The following COL25A1 variants were observed in gnomAD, a reference collection of about 807,000 sequenced individuals.
COL25A1 encodes collagen type XXV alpha 1 chain.
In COL25A1, 103 loss-of-function variants were observed where a neutral mutation model predicts 128.4. The observed-to-expected ratio is 0.80, with a 90% confidence interval of 0.68 to 0.94. The LOEUF (loss-of-function observed/expected upper bound fraction) is 0.94, where lower values mean the gene tolerates loss of function less well. COL25A1 is among the 40% of genes least tolerant of loss of function. COL25A1 has a pLI of 0.00. For missense variants in COL25A1, 745 were observed against 840.0 expected (o/e 0.89, Z 1.40); for synonymous variants, 279 against 277.2 (o/e 1.01, Z -0.06).
intron 3 of COL25A1, among the ~76,000 whole-genome samples, chr4:109,239,418 A>T (rs985526575): frequency 7.5e-6 from 1 of 132,742 alleles, no homozygotes; most frequent in African/African-American, 2.8e-5. Context: ...ATATATATAT[A>T]TATATTTATT....
At chr4:108,918,065 G>A in intron 13 of COL25A1, 107 bp downstream of exon 13, 1 of 533,464 alleles carries the variant, frequency 1.9e-6, no homozygotes, top group Non-Finnish European at 3.1e-6. Context: ...AAAACATAGT[G>A]TTTTTATAAG....
chr4:108,909,703 G>A (rs552837659), intron 13 of COL25A1, among the ~76,000 whole-genome samples: 2 of 152,270 alleles, frequency 1.3e-5, no homozygotes, highest in South Asian at 2.1e-4. Flanking sequence ...CTTTATTCGG[G>A]TGAAATTTAC....
chr4:109,280,204 T>C (rs1185157694), intron 3 of COL25A1, among the ~76,000 whole-genome samples: 1 of 152,220 alleles, frequency 6.6e-6, no homozygotes, highest in Non-Finnish European at 1.5e-5. Flanking sequence ...TGCATTACTA[T>C]ATGTTCAGAA....
intron 11 of COL25A1, among the ~76,000 whole-genome samples, chr4:108,923,386 C>T (rs1469878156): frequency 1.3e-5 from 2 of 152,106 alleles, no homozygotes; most frequent in African/African-American, 4.8e-5. Flanking sequence ...CACTCTGTTG[C>T]CCAGGCTGGA....
At chr4:109,206,810 G>A (rs1425814238) in intron 3 of COL25A1, among the ~76,000 whole-genome samples, 1 of 152,142 alleles carries the variant, frequency 6.6e-6, no homozygotes, top group Non-Finnish European at 1.5e-5. Context: ...GGGATGAGTG[G>A]GAAAAACAAA....
At chr4:109,091,121 G>A (rs1210443184) in intron 3 of COL25A1, among the ~76,000 whole-genome samples, 1 of 152,150 alleles carries the variant, frequency 6.6e-6, no homozygotes, top group East Asian at 1.9e-4. Context: ...AAATGCTTCA[G>A]AATAAAGTCT....
chr4:108,826,344 C>T (rs1732375668), intron 33 of COL25A1, among the ~76,000 whole-genome samples: 4 of 152,060 alleles, frequency 2.6e-5, no homozygotes, highest in Non-Finnish European at 2.9e-5. Context: ...TTGAGACCAG[C>T]GTGGCCAACA....
chr4:109,136,993 C>T (rs1769841252), intron 3 of COL25A1, among the ~76,000 whole-genome samples: 1 of 152,188 alleles, frequency 6.6e-6, no homozygotes, highest in Non-Finnish European at 1.5e-5. Flanking sequence ...ATGACTGCAG[C>T]CCTGGTTGAC....
At chr4:109,043,111 G>A (rs1760077947) in intron 5 of COL25A1, among the ~76,000 whole-genome samples, 1 of 107,912 alleles carries the variant, frequency 9.3e-6, no homozygotes, top group Admixed American at 1.0e-4. Context: ...CTGGTCCAAT[G>A]CTCACCCTTC....
At chr4:108,996,566 G>A (rs1206078149) in intron 6 of COL25A1, among the ~76,000 whole-genome samples, 1 of 152,078 alleles carries the variant, frequency 6.6e-6, no homozygotes, top group East Asian at 1.9e-4. Flanking sequence ...AGATCAACAA[G>A]ACAGAAGGTT....
intron 11 of COL25A1, among the ~76,000 whole-genome samples, chr4:108,933,872 A>ACC (rs1747072328): frequency 1.3e-5 from 2 of 151,564 alleles, no homozygotes; most frequent in Admixed American, 6.6e-5. Context: ...ACACACACAC[A>ACC]CACACAATGT....
In COL25A1 at chr4:109,217,192, C is replaced by T. The variant is rs193206249; in HGVS notation, c.367+83391G>A. ...ATGAGCTAATATTTTATCTCAGATG[C>T]CAAAATGCAACTTTTCAGATGGCAG... is the stretch of plus-strand genomic sequence containing the variant. On this transcript the variant is annotated intron_variant, in intron 3 of 37. Coordinates refer to ENST00000399132, the MANE Select transcript of COL25A1 (RefSeq NM_198721.4). 3.3e-5 allele frequency among the ~76,000 whole-genome samples: 5 copies of T among 152,042 alleles called. No homozygotes were observed. In the East Asian group the frequency reaches 9.7e-4, roughly 29 times the overall value.
chr4:109,169,282 C>G (rs1373808686), intron 3 of COL25A1, among the ~76,000 whole-genome samples: 5 of 152,154 alleles, frequency 3.3e-5, no homozygotes, highest in Non-Finnish European at 5.9e-5. Context: ...CCATTCTCTG[C>G]CTGGCAAACT....
At chr4:109,082,270 T>C (rs1763914306) in intron 3 of COL25A1, among the ~76,000 whole-genome samples, 1 of 152,236 alleles carries the variant, frequency 6.6e-6, no homozygotes. Context: ...TATGAACATT[T>C]CTGTACAAGT....
chr4:109,204,807 C>T lies in COL25A1; in HGVS notation c.367+95776G>A, dbSNP rs1358399332. On this transcript the variant is annotated intron_variant, in intron 3 of 37. Transcript: ENST00000399132. ...AGACAAAAAAATGGAAAACACACACCCGGGACCCCAAAAATTATTCTTAGT... is the reference window on the plus strand; with the variant it reads ...AGACAAAAAAATGGAAAACACACACTCGGGACCCCAAAAATTATTCTTAGT... Among the ~76,000 whole-genome samples, 3 of 152,032 alleles carry T rather than the reference C, an allele frequency of 2.0e-5. No individual in the cohort carries two copies. The East Asian group carries it at 5.8e-4, about 29-fold the overall frequency.
intron 6 of COL25A1, among the ~76,000 whole-genome samples, chr4:109,004,797 G>C (rs969668448): frequency 3.9e-5 from 6 of 152,124 alleles, no homozygotes; most frequent in Non-Finnish European, 1.5e-5. Flanking sequence ...TTCCTGTAAA[G>C]CCTGCAGTAC....
At chr4:109,192,053 G>C (rs1271685559) in intron 3 of COL25A1, among the ~76,000 whole-genome samples, 1 of 152,198 alleles carries the variant, frequency 6.6e-6, no homozygotes, top group East Asian at 1.9e-4. Flanking sequence ...GAGTCTTGAA[G>C]GGCAGGTAGC....
rs1315950004 is a variant in COL25A1, at chr4:108,810,736, A to G, written c.*3191T>C. 2 of 152,038 alleles carry G rather than the reference A, an allele frequency of 1.3e-5. No homozygotes were observed. The highest frequency in any genetic ancestry group is 4.8e-5 in the African/African-American group (2 of 41,454). 9.4% of individuals were successfully genotyped at this position (152,038 alleles called of 1,614,324 possible). ...GGATCCATGATCCGAGTAAACACAC[A>G]TCATCTATTGGTACACTGTTTTGTT... is the stretch of plus-strand genomic sequence containing the variant. On this transcript the variant is annotated 3_prime_UTR_variant, in exon 38 of 38. Transcript: ENST00000399132.
intron 24 of COL25A1, among the ~76,000 whole-genome samples, chr4:108,856,892 G>A (rs372987666): frequency 1.2e-4 from 19 of 152,174 alleles, no homozygotes; most frequent in East Asian, 3.9e-4. Context: ...ATTAGGTTTC[G>A]TGGACTCATA....
Sources: gnomAD v4.1 joint callset for allele counts (sites outside exome capture counted in the v4.1 genomes callset) on GRCh38, gnomAD v4.1.1 for gene constraint, MANE v1.5 for transcripts, NCBI Gene and HGNC (gene_info 2026-07-23, HGNC 2026-07-21) for gene names.